The following SLC14A2 variants were observed in gnomAD, a reference collection of about 807,000 sequenced individuals.
SLC14A2 encodes solute carrier family 14 member 2.
SLC14A2 carries 91 observed loss-of-function variants against 104.6 expected under a neutral mutation model. That is an observed-to-expected ratio of 0.87 (90% CI 0.73 to 1.04). The LOEUF (loss-of-function observed/expected upper bound fraction) is 1.04, where lower values mean the gene tolerates loss of function less well. Ranked by LOEUF, SLC14A2 falls within the 50% of genes least tolerant of loss-of-function variation. The pLI is 0.00. For synonymous variants in SLC14A2, 476 were observed against 466.4 expected, an observed-to-expected ratio of 1.02 and a Z score of -0.27; for missense variants, 1,189 against 1,156.0, an observed-to-expected ratio of 1.03 and a Z score of -0.41.
chr18:45,370,738 A>T (rs2085714061), intron 1 of SLC14A2, among the ~76,000 whole-genome samples: 2 of 152,188 alleles, frequency 1.3e-5, no homozygotes, highest in South Asian at 4.1e-4. Context: ...CACTCCCAGA[A>T]GGGAGCAAAA....
intron 2 of SLC14A2, among the ~76,000 whole-genome samples, chr18:45,589,501 G>C (rs1307617091): frequency 6.6e-6 from 1 of 152,058 alleles, no homozygotes; most frequent in Non-Finnish European, 1.5e-5. Context: ...AATTCTCATA[G>C]GACATTTCCC....
intron 1 of SLC14A2, among the ~76,000 whole-genome samples, chr18:45,403,162 T>C (rs1171903122): frequency 2.6e-5 from 4 of 152,218 alleles, no homozygotes; most frequent in African/African-American, 4.8e-5. Flanking sequence ...CTTCTCACCA[T>C]GTCCTCGTAT....
intron 1 of SLC14A2, among the ~76,000 whole-genome samples, chr18:45,315,614 T>C (rs1448722161): frequency 6.6e-6 from 1 of 152,116 alleles, no homozygotes; most frequent in Non-Finnish European, 1.5e-5. Context: ...TCCCATCCCA[T>C]GGCCCAGTAA....
At chr18:45,314,345 A>G (rs1252952876) in intron 1 of SLC14A2, among the ~76,000 whole-genome samples, 1 of 152,216 alleles carries the variant, frequency 6.6e-6, no homozygotes, top group East Asian at 1.9e-4. Flanking sequence ...TAGTTAAAAT[A>G]CAAAATACTG....
chr18:45,395,027 G>T (rs991832775), intron 1 of SLC14A2, among the ~76,000 whole-genome samples: 9 of 151,896 alleles, frequency 5.9e-5, no homozygotes, highest in African/African-American at 2.2e-4. Context: ...TTGAAATCAG[G>T]TGGGTACTGA....
At chr18:45,498,709 T>G (rs1201243069) in intron 2 of SLC14A2, among the ~76,000 whole-genome samples, 2 of 152,168 alleles carry the variant, frequency 1.3e-5, no homozygotes, top group Non-Finnish European at 2.9e-5. Context: ...TCCCTTTCAA[T>G]TAGTCTTCCT....
At position 45,231,327 on chromosome 18, in the gene SLC14A2, T is replaced by C. The variant is rs550090429; in HGVS notation, c.-125+18136T>C. Among the ~76,000 whole-genome samples, 48 of 152,246 alleles carry C rather than the reference T, an allele frequency of 3.2e-4. 1 individual carries two copies. In the South Asian group the frequency reaches 9.6e-3, roughly 30 times the overall value. The stretch of plus-strand genomic sequence containing the variant: ...AAGCTATCCTCTTACCTCAGCCTCC[T>C]GAGTACCTGAGACTACTAGCATGCA... On this transcript the variant is annotated intron_variant, in intron 1 of 20. Coordinates refer to the SLC14A2 transcript ENST00000586448.
At chr18:45,553,723 G>A (rs529104918) in intron 2 of SLC14A2, among the ~76,000 whole-genome samples, 11 of 152,326 alleles carry the variant, frequency 7.2e-5, no homozygotes, top group South Asian at 4.1e-4. Context: ...AGTGCCAGAT[G>A]TGGGAAGGAC....
At chr18:45,443,402 G>T (rs1426758444) in intron 1 of SLC14A2, among the ~76,000 whole-genome samples, 1 of 152,218 alleles carries the variant, frequency 6.6e-6, no homozygotes, top group African/African-American at 2.4e-5. Flanking sequence ...GACTGATTGG[G>T]GATGCCCAGT....
intron 4 of SLC14A2, among the ~76,000 whole-genome samples, chr18:45,630,337 A>C (rs542006406): frequency 6.6e-6 from 1 of 152,152 alleles, no homozygotes; most frequent in African/African-American, 2.4e-5. Context: ...ACAGTTGCAT[A>C]TTCTAAGCAT....
chr18:45,380,282 A>G (rs914421650), intron 1 of SLC14A2, among the ~76,000 whole-genome samples: 1 of 152,210 alleles, frequency 6.6e-6, no homozygotes, highest in Non-Finnish European at 1.5e-5. Context: ...AATGCCCACT[A>G]GCCAAAGACC....
intron 1 of SLC14A2, among the ~76,000 whole-genome samples, chr18:45,418,580 C>T (rs41401946): frequency 0.17 from 25,927 of 152,122 alleles, 3,339 homozygotes; most frequent in African/African-American, 0.34. Context: ...AAAACTGGAA[C>T]GGTACCTTCA....
chr18:45,555,286 T>C lies in SLC14A2; in HGVS notation c.-34-69345T>C, dbSNP rs144329252. ...TGGTTTTAATAAGAACATTCAATGG[T>C]ATAATATAGTTTTATACACATGGTC... On this transcript the variant is annotated intron_variant, in intron 2 of 20. Transcript: ENST00000586448. Among the ~76,000 whole-genome samples, 11 of 152,262 alleles carry C rather than the reference T, an allele frequency of 7.2e-5. No homozygotes were observed. The East Asian group carries it at 2.1e-3, about 29-fold the overall frequency.
At chr18:45,436,696 C>T (rs1328817372) in intron 1 of SLC14A2, 1 of 152,076 alleles carries the variant, frequency 6.6e-6, no homozygotes, top group South Asian at 2.1e-4. Context: ...ATGATAAATC[C>T]ACGCATTTAA....
chr18:45,185,485 G>T, the SLC14A2 span, among the ~76,000 whole-genome samples: 1 of 152,086 alleles, frequency 6.6e-6, no homozygotes, highest in South Asian at 2.1e-4. Flanking sequence ...GGAATAGAAG[G>T]AAACATCCTC....
At chr18:45,606,785 G>C (rs557906971) in intron 2 of SLC14A2, among the ~76,000 whole-genome samples, 1 of 148,008 alleles carries the variant, frequency 6.8e-6, no homozygotes, top group Admixed American at 6.8e-5. Context: ...TGGCTGCAAG[G>C]AATGCTAAGA....
intron 1 of SLC14A2, among the ~76,000 whole-genome samples, chr18:45,382,354 A>G (rs756368316): frequency 1.6e-4 from 24 of 152,202 alleles, no homozygotes; most frequent in Non-Finnish European, 2.1e-4. Flanking sequence ...AAGTTAGTAC[A>G]TGGCAGAATC....
intron 1 of SLC14A2, among the ~76,000 whole-genome samples, chr18:45,330,626 C>A (rs1386805031): frequency 6.6e-6 from 1 of 152,206 alleles, no homozygotes; most frequent in East Asian, 1.9e-4. Context: ...ACACATAGAT[C>A]CTTTTTCAGC....
At chr18:45,225,567 A>G (rs1198822917) in intron 1 of SLC14A2, among the ~76,000 whole-genome samples, 7 of 152,156 alleles carry the variant, frequency 4.6e-5, no homozygotes, top group African/African-American at 1.7e-4. Flanking sequence ...CATTGAATCT[A>G]TAAATTACCT....
Sources: allele counts gnomAD v4.1 joint callset (sites outside exome capture counted in the v4.1 genomes callset), GRCh38; gene constraint gnomAD v4.1.1; transcripts MANE v1.5; gene names NCBI Gene and HGNC (gene_info 2026-07-23, HGNC 2026-07-21).